The following SLC22A15 variants were observed in gnomAD, a reference collection of about 807,000 sequenced individuals.
SLC22A15 encodes flipt 1.
SLC22A15 carries 45 observed loss-of-function variants against 62.7 expected under a neutral mutation model. The ratio of observed to expected loss-of-function variants is 0.72; its 90% CI spans 0.56 to 0.92. The LOEUF is 0.92. Among genes scored for constraint, SLC22A15 ranks in the 40% least tolerant of loss-of-function variants. The pLI is 0.00. For synonymous variants in SLC22A15, 264 were observed against 267.0 expected, an observed-to-expected ratio of 0.99 and a Z score of 0.11; for missense variants, 622 against 665.6, an observed-to-expected ratio of 0.93 and a Z score of 0.72.
intron 1 of SLC22A15, among the ~76,000 whole-genome samples, chr1:115,985,573 G>A (rs540067777): frequency 9.2e-5 from 14 of 152,048 alleles, no homozygotes; most frequent in African/African-American, 3.1e-4. Flanking sequence ...TTTGGTGCTT[G>A]TTACAATTTT....
rs779391414 is a variant in SLC22A15, at chr1:115,976,596, T to C, written c.-32T>C. 7 of 1,515,702 alleles carry C rather than the reference T, an allele frequency of 4.6e-6. No homozygotes were observed. Among genetic ancestry groups the C allele is most frequent in the East Asian group, 2.6e-5 (1 of 38,546 alleles). The allele number at this position is 1,515,702 out of a possible 1,614,324, so 93.9% of individuals were successfully genotyped here. A position where few individuals can be genotyped will look rare whatever the true frequency, so the allele number is the denominator to read the frequency against. ...GGGAGGGCAGCGCCTGAGAGGGCGG[T>C]GGGGTGGCGGGGTTCCTGCGCGCGG... On this transcript the variant is annotated 5_prime_UTR_variant, in exon 1 of 12. Coordinates refer to ENST00000369503, the MANE Select transcript of SLC22A15 (RefSeq NM_018420.3).
At chr1:115,992,932 C>T (rs1308155034) in intron 2 of SLC22A15, among the ~76,000 whole-genome samples, 1 of 152,032 alleles carries the variant, frequency 6.6e-6, no homozygotes, top group African/African-American at 2.4e-5. Flanking sequence ...GCCTATAGTT[C>T]ATTTTTAAGT....
chr1:116,032,563 T>G, intron 6 of SLC22A15: 1 of 985,414 alleles, frequency 1.0e-6, no homozygotes, highest in African/African-American at 1.7e-5. Context: ...TTTTTCTATA[T>G]CATATACTCT....
intron 2 of SLC22A15, among the ~76,000 whole-genome samples, chr1:116,014,880 A>G (rs553168578): frequency 1.3e-5 from 2 of 152,216 alleles, no homozygotes; most frequent in East Asian, 1.9e-4. Context: ...CCAAAGGGGG[A>G]AGAAAATGAG....
In SLC22A15 at chr1:116,037,347, G is replaced by A; in HGVS notation, c.1130G>A (p.Gly377Glu). The A allele has an allele frequency of 6.2e-7, 1 of 1,613,476 alleles. No homozygotes were observed. The highest frequency in any genetic ancestry group is 1.1e-5 in the South Asian group (1 of 91,068). The change falls in exon 8 of 12, where the codon GGA (glycine) becomes GAA (glutamate). Residue 377 changes from glycine (G) to glutamate (E), a missense_variant. By Grantham distance (98) the Gly-to-Glu change is moderately conservative (BLOSUM62 -2). Transcript: ENST00000369503. Reference sequence around the variant, plus strand: ...TTATCAGCATTTCTGTGCCTAGGAGGACTGGCTTGTCTTATTGTAATGTTT... The same window carrying A: ...TTATCAGCATTTCTGTGCCTAGGAGAACTGGCTTGTCTTATTGTAATGTTT... Reference protein sequence around the residue: ...RTLSAFLCLGGLACLIVMFLP... With the variant: ...RTLSAFLCLGELACLIVMFLP...
At position 116,064,093 on chromosome 1, in the gene SLC22A15, TTG is replaced by T. The variant is rs1658442594; in HGVS notation, c.1293-340_1293-339del. Among the ~76,000 whole-genome samples the T allele has an allele frequency of 3.9e-5, 6 of 152,148 alleles. 1 individual carries two copies. The highest frequency in any genetic ancestry group is 3.9e-4 in the Admixed American group (6 of 15,260). On this transcript the variant is annotated intron_variant, in intron 9 of 11. Transcript: ENST00000369503. ...CAAATGCTCATTTCTATATCATCCT[TTG>T]TGGATCCACTGTCCAATATGGTAGT...
intron 2 of SLC22A15, among the ~76,000 whole-genome samples, chr1:115,994,839 A>G (rs556531755): frequency 1.3e-5 from 2 of 152,320 alleles, no homozygotes; most frequent in African/African-American, 4.8e-5. Context: ...ACCTAGTTGT[A>G]TGCCATCCAT....
chr1:115,976,727 G>C lies in SLC22A15; in HGVS notation c.87+13G>C. The C allele has an allele frequency of 1.3e-6, 2 of 1,573,580 alleles. No individual in the cohort carries two copies. The highest frequency in any genetic ancestry group is 1.7e-6 in the Non-Finnish European group (2 of 1,161,224). On this transcript the variant is annotated intron_variant, in intron 1 of 11. Coordinates refer to ENST00000369503, the MANE Select transcript of SLC22A15 (RefSeq NM_018420.3). ...CGTGCTGCTGCAGGTAAGTCCCCGC[G>C]GCCCCGCAGCCGCATTTCCCTCTTC...
intron 9 of SLC22A15, among the ~76,000 whole-genome samples, chr1:116,064,083 A>G (rs957694532): frequency 7.2e-5 from 11 of 152,168 alleles, no homozygotes; most frequent in Admixed American, 3.3e-4. Flanking sequence ...GCTCATTTCT[A>G]TATCATCCTT....
intron 8 of SLC22A15, among the ~76,000 whole-genome samples, chr1:116,049,904 T>C (rs1260678692): frequency 1.3e-5 from 2 of 152,070 alleles, no homozygotes; most frequent in Non-Finnish European, 2.9e-5. Context: ...TAAGAAATGA[T>C]ACAGGAGACA....
At chr1:116,054,971 A>G (rs1418492086) in intron 8 of SLC22A15, among the ~76,000 whole-genome samples, 3 of 152,042 alleles carry the variant, frequency 2.0e-5, no homozygotes, top group African/African-American at 7.3e-5. Flanking sequence ...CAAAATTGAC[A>G]CCCTAACATC....
intron 8 of SLC22A15, among the ~76,000 whole-genome samples, chr1:116,038,434 A>G (rs1657690668): frequency 1.3e-5 from 2 of 152,024 alleles, no homozygotes; most frequent in Non-Finnish European, 2.9e-5. Flanking sequence ...CAGTATATCT[A>G]CTCTGCTGTT....
At chr1:115,985,291 C>A (rs1642309214) in intron 1 of SLC22A15, among the ~76,000 whole-genome samples, 1 of 152,170 alleles carries the variant, frequency 6.6e-6, no homozygotes, top group South Asian at 2.1e-4. Flanking sequence ...TAGTAACATG[C>A]CTTACAGATT....
chr1:115,994,521 A>G (rs1219950681), intron 2 of SLC22A15, among the ~76,000 whole-genome samples: 1 of 152,196 alleles, frequency 6.6e-6, no homozygotes, highest in Non-Finnish European at 1.5e-5. Context: ...GTGAGTAATT[A>G]TAGCCAAATA....
intron 2 of SLC22A15, among the ~76,000 whole-genome samples, chr1:116,013,180 C>T: frequency 6.6e-6 from 1 of 152,112 alleles, no homozygotes; most frequent in South Asian, 2.1e-4. Context: ...AGTCGTAAGT[C>T]GAGGGGCATC....
chr1:116,063,672 G>C (rs766600758), intron 9 of SLC22A15, among the ~76,000 whole-genome samples: 70 of 152,188 alleles, frequency 4.6e-4, no homozygotes, highest in Non-Finnish European at 6.9e-4. Flanking sequence ...TTTCCTAGCT[G>C]GTCCTATAAC....
chr1:116,000,927 C>T (rs1030148885), intron 2 of SLC22A15, among the ~76,000 whole-genome samples: 21 of 152,072 alleles, frequency 1.4e-4, no homozygotes, highest in South Asian at 4.2e-4. Flanking sequence ...CCACCATGCC[C>T]GGCCGACCTT....
intron 1 of SLC22A15, among the ~76,000 whole-genome samples, chr1:115,978,709 A>G (rs1156971019): frequency 6.6e-6 from 1 of 152,156 alleles, no homozygotes; most frequent in African/African-American, 2.4e-5. Flanking sequence ...AGACCTCTCT[A>G]CCAAGTCTGT....
intron 1 of SLC22A15, among the ~76,000 whole-genome samples, chr1:115,976,976 G>A (rs1259654276): frequency 6.6e-6 from 1 of 152,186 alleles, no homozygotes; most frequent in Non-Finnish European, 1.5e-5. Context: ...GTGGTGGAAG[G>A]AGCGTGTTGG....
Sources: allele counts gnomAD v4.1 joint callset (sites outside exome capture counted in the v4.1 genomes callset), GRCh38; gene constraint gnomAD v4.1.1; transcripts MANE v1.5; gene names NCBI Gene and HGNC (gene_info 2026-07-23, HGNC 2026-07-21).